Variants in ATG14 observed in about 807,000 individuals in gnomAD.
The protein encoded by ATG14 is autophagy related 14.
ATG14 carries 35 observed loss-of-function variants against 60.4 expected under a neutral mutation model. The observed-to-expected ratio is 0.58, with a 90% confidence interval of 0.44 to 0.77. The LOEUF (loss-of-function observed/expected upper bound fraction) is 0.77. Among genes scored for constraint, ATG14 ranks in the 30% least tolerant of loss-of-function variants. ATG14 has a pLI of 0.00. For missense variants in ATG14, 647 were observed against 626.3 expected, an observed-to-expected ratio of 1.03 and a Z score of -0.35; for synonymous variants, 234 against 228.8, an observed-to-expected ratio of 1.02 and a Z score of -0.21.
At chr14:55,375,479 C>T (rs1289762248) in intron 9 of ATG14, among the ~76,000 whole-genome samples, 2 of 149,604 alleles carry the variant, frequency 1.3e-5, no homozygotes, top group African/African-American at 4.9e-5. Flanking sequence ...TGCATTACCA[C>T]GCCGGGCTAA....
At chr14:55,403,820 T>C (rs1430716772) in intron 1 of ATG14, among the ~76,000 whole-genome samples, 2 of 152,214 alleles carry the variant, frequency 1.3e-5, no homozygotes. Flanking sequence ...GAGAGAATTT[T>C]CCTATTTCTA....
chr14:55,388,956 T>C (rs1308341028), intron 4 of ATG14, among the ~76,000 whole-genome samples: 1 of 152,160 alleles, frequency 6.6e-6, no homozygotes, highest in African/African-American at 2.4e-5. Flanking sequence ...AGCTTTTTTT[T>C]TTCAACATGG....
At chr14:55,407,278 G>A (rs867099623) in intron 1 of ATG14, among the ~76,000 whole-genome samples, 27 of 152,124 alleles carry the variant, frequency 1.8e-4, no homozygotes, top group African/African-American at 6.3e-4. Flanking sequence ...ACAGGCATGC[G>A]TGCCACCACG....
In ATG14 at chr14:55,386,431, A is replaced by C. The variant is rs149317269; in HGVS notation, c.410-335T>G. Reference sequence around the variant, plus strand: ...CCAAAGAATAGTCACATTGGGCAGAAAAGAGATCTAATTCAAGTTTGAAAA... The same window carrying C: ...CCAAAGAATAGTCACATTGGGCAGACAAGAGATCTAATTCAAGTTTGAAAA... On this transcript the variant is annotated intron_variant, in intron 4 of 9. Transcript: ENST00000247178. 1.1e-3 allele frequency among the ~76,000 whole-genome samples: 163 copies of C among 152,360 alleles called. 3 individuals carry two copies. The East Asian group carries it at 0.024, about 23-fold the overall frequency.
chr14:55,400,078 C>A (rs1461980683), intron 1 of ATG14, among the ~76,000 whole-genome samples: 1 of 152,264 alleles, frequency 6.6e-6, no homozygotes, highest in East Asian at 1.9e-4. Flanking sequence ...TGAAAGAAAT[C>A]AAAAATAGGT....
At chr14:55,405,660 C>T (rs1056584616) in intron 1 of ATG14, among the ~76,000 whole-genome samples, 1 of 152,198 alleles carries the variant, frequency 6.6e-6, no homozygotes, top group African/African-American at 2.4e-5. Flanking sequence ...CAGGTATCTA[C>T]TGGGTAGCAG....
chr14:55,385,717 GT>G, intron 5 of ATG14, 141 bp downstream of exon 5: 1 of 809,170 alleles, frequency 1.2e-6, no homozygotes, highest in South Asian at 1.9e-5. Context: ...CGTACTGTTT[GT>G]TGAAACAGAT....
At position 55,385,900 on chromosome 14, in the gene ATG14, G is replaced by T. The variant is rs745492512; in HGVS notation, c.606C>A (p.Thr202=). Reference sequence around the variant, plus strand: ...CTTCCTCGATTGGAAAAATGACAGAGGTGAGCTCTAATATATGGGATCGTC... The same window carrying T: ...CTTCCTCGATTGGAAAAATGACAGATGTGAGCTCTAATATATGGGATCGTC... ...NLRRSHILEL[T]SVIFPIEEVK... Residue 202 remains threonine (T), a synonymous_variant, in exon 5 of 10, where the codon ACC becomes ACA. Coordinates refer to ENST00000247178, the MANE Select transcript of ATG14 (RefSeq NM_014924.5). 1.1e-5 allele frequency: 18 copies of T among 1,613,560 alleles called. No homozygotes were observed. The highest frequency in any genetic ancestry group is 1.5e-5 in the Non-Finnish European group (18 of 1,179,746).
At position 55,367,011 on chromosome 14, in the gene ATG14, A is replaced by C. The variant is rs2140110237; in HGVS notation, c.*2608T>G. The C allele has an allele frequency of 6.5e-6, 1 of 152,780 alleles. No individual in the cohort carries two copies. The highest frequency in any genetic ancestry group is 1.9e-4 in the East Asian group (1 of 5,192). 9.5% of individuals were successfully genotyped at this position (152,780 alleles called of 1,614,324 possible). A position where few individuals can be genotyped will look rare whatever the true frequency, so the allele number is the denominator to read the frequency against. ...AAACCACAAAAGGGTTCGATCACTT[A>C]ACCCTATGTAAAGTGCCTCTAGTTG... On this transcript the variant is annotated 3_prime_UTR_variant, in exon 10 of 10. Coordinates refer to ENST00000247178, the MANE Select transcript of ATG14 (RefSeq NM_014924.5).
At chr14:55,396,980 A>T (rs1160769865) in intron 2 of ATG14, among the ~76,000 whole-genome samples, 2 of 152,216 alleles carry the variant, frequency 1.3e-5, no homozygotes, top group Admixed American at 6.5e-5. Context: ...GATACAGGTA[A>T]TGTGCAGACC....
intron 1 of ATG14, among the ~76,000 whole-genome samples, chr14:55,411,182 T>G (rs1358471179): frequency 6.6e-6 from 1 of 152,226 alleles, no homozygotes. Context: ...AGCAGTTATT[T>G]GATTCTCTTC....
chr14:55,370,525 A>G (rs1884790054), intron 9 of ATG14, among the ~76,000 whole-genome samples: 1 of 152,216 alleles, frequency 6.6e-6, no homozygotes, highest in South Asian at 2.1e-4. Flanking sequence ...TTATTTCTCA[A>G]AGGTCCCTAA....
chr14:55,367,322 A>C lies in ATG14; in HGVS notation c.*2297T>G, dbSNP rs1884701954. 6.6e-6 allele frequency: 1 copy of C among 152,214 alleles called. No homozygotes were observed. The highest frequency in any genetic ancestry group is 1.5e-5 in the Non-Finnish European group (1 of 68,042). 9.4% of individuals were successfully genotyped at this position (152,214 alleles called of 1,614,324 possible). A position where few individuals can be genotyped will look rare whatever the true frequency, so the allele number is the denominator to read the frequency against. ...CTAGACAACTCTTACAAGATCGTTA[A>C]GTTTATTTATCTGTTCAAGTCTACC... On this transcript the variant is annotated 3_prime_UTR_variant, in exon 10 of 10. Transcript: ENST00000247178.
chr14:55,381,336 T>C (rs899408999), intron 6 of ATG14, among the ~76,000 whole-genome samples: 5 of 152,222 alleles, frequency 3.3e-5, no homozygotes, highest in African/African-American at 7.2e-5. Context: ...GGTTTTCCCA[T>C]TGGGGCCTTT....
intron 7 of ATG14, among the ~76,000 whole-genome samples, chr14:55,379,837 C>T (rs1297789772): frequency 2.0e-5 from 3 of 152,216 alleles, no homozygotes; most frequent in Non-Finnish European, 4.4e-5. Context: ...ATTCTTCTGC[C>T]TCAGCCTCCA....
At chr14:55,380,501 G>T in intron 7 of ATG14, 72 bp downstream of exon 7, 4 of 993,720 alleles carry the variant, frequency 4.0e-6, no homozygotes, top group South Asian at 3.2e-5. Context: ...TGGTTTATTG[G>T]AATAAATAAA....
chr14:55,394,921 G>C, intron 3 of ATG14: 2 of 378,578 alleles, frequency 5.3e-6, no homozygotes, highest in South Asian at 2.1e-5. Context: ...GTACCAAAAA[G>C]TAAACAACCA....
chr14:55,371,453 A>C (rs1884814160), intron 9 of ATG14, among the ~76,000 whole-genome samples: 1 of 152,124 alleles, frequency 6.6e-6, no homozygotes, highest in Non-Finnish European at 1.5e-5. Context: ...GGCTTTATTA[A>C]ATTGGAAGAT....
chr14:55,393,993 C>A (rs913198071), intron 3 of ATG14, among the ~76,000 whole-genome samples: 2 of 151,518 alleles, frequency 1.3e-5, no homozygotes, highest in African/African-American at 2.4e-5. Flanking sequence ...TTAACAACTA[C>A]ACAGTATCAT....
Sources: allele counts gnomAD v4.1 joint callset (sites outside exome capture counted in the v4.1 genomes callset), GRCh38; gene constraint gnomAD v4.1.1; transcripts MANE v1.5; gene names NCBI Gene and HGNC (gene_info 2026-07-23, HGNC 2026-07-21).